MICU1: variants seen among roughly 807,000 people sequenced by gnomAD.
MICU1 encodes mitochondrial calcium uptake 1, also known as calcium uptake protein 1, mitochondrial.
In MICU1, 45 loss-of-function variants were observed where a neutral mutation model predicts 56.8. The observed-to-expected ratio is 0.79, with a 90% CI of 0.62 to 1.02. The LOEUF is 1.02. Among genes scored for constraint, MICU1 ranks in the 50% least tolerant of loss-of-function variants. The pLI, the probability that MICU1 is intolerant of heterozygous loss-of-function variation, is 0.00. For synonymous variants in MICU1, 186 were observed against 195.1 expected, an observed-to-expected ratio of 0.95 and a Z score of 0.39; for missense variants, 504 against 587.1, an observed-to-expected ratio of 0.86 and a Z score of 1.46.
chr10:72,569,237 A>ATATATATTTTTTT, intron 1 of MICU1, among the ~76,000 whole-genome samples: 54 of 34,368 alleles, frequency 1.6e-3, no homozygotes, highest in Non-Finnish European at 2.5e-3. Flanking sequence ...ATATATATAT[A>ATATATATTTTTTT]TTTTTTTTTT....
chr10:72,625,661 G>A (rs1842209870), intron 1 of MICU1, among the ~76,000 whole-genome samples: 1 of 152,190 alleles, frequency 6.6e-6, no homozygotes, highest in South Asian at 2.1e-4. Context: ...AATTCCAGGA[G>A]AGCCAGTCAA....
chr10:72,514,366 G>A (rs1411658284), intron 5 of MICU1, among the ~76,000 whole-genome samples: 1 of 151,718 alleles, frequency 6.6e-6, no homozygotes, highest in Non-Finnish European at 1.5e-5. Flanking sequence ...CTGTGATTGG[G>A]CTGTAATTTA....
At chr10:72,389,250 TC>T (rs1307562936) in intron 10 of MICU1, among the ~76,000 whole-genome samples, 1 of 152,196 alleles carries the variant, frequency 6.6e-6, no homozygotes, top group East Asian at 1.9e-4. Flanking sequence ...TCCCCAACAA[TC>T]CAGTTAGAGC....
intron 1 of MICU1, among the ~76,000 whole-genome samples, chr10:72,567,642 C>T (rs773906802): frequency 1.6e-4 from 25 of 152,216 alleles, no homozygotes; most frequent in Non-Finnish European, 2.8e-4. Flanking sequence ...TGTTGGGAAG[C>T]TGACCTTCGC....
intron 5 of MICU1, among the ~76,000 whole-genome samples, chr10:72,527,078 T>C (rs895121871): frequency 6.6e-6 from 1 of 152,230 alleles, no homozygotes; most frequent in African/African-American, 2.4e-5. Context: ...CCATATTTTC[T>C]TTCTATAAAA....
intron 8 of MICU1, among the ~76,000 whole-genome samples, chr10:72,457,373 G>A (rs1033366301): frequency 7.5e-6 from 1 of 133,504 alleles, no homozygotes; most frequent in African/African-American, 2.8e-5. Context: ...ATATGCCACC[G>A]TGCTTGGCCC....
chr10:72,431,039 C>G (rs1471718945), intron 8 of MICU1, among the ~76,000 whole-genome samples: 1 of 151,980 alleles, frequency 6.6e-6, no homozygotes, highest in East Asian at 1.9e-4. Flanking sequence ...AACTGTGCTT[C>G]TTTCATTTTT....
chr10:72,562,715 T>C, intron 3 of MICU1, 180 bp downstream of exon 3: 1 of 475,340 alleles, frequency 2.1e-6, no homozygotes. Flanking sequence ...TCCTTTTAAC[T>C]ACCTCCTTTA....
chr10:72,436,184 C>T (rs978947699), intron 8 of MICU1, among the ~76,000 whole-genome samples: 2 of 152,230 alleles, frequency 1.3e-5, no homozygotes, highest in Non-Finnish European at 2.9e-5. Flanking sequence ...TGGAACGACA[C>T]TTCCAGAGGA....
intron 6 of MICU1, among the ~76,000 whole-genome samples, chr10:72,492,730 T>A (rs1866699746): frequency 6.7e-6 from 1 of 148,342 alleles, no homozygotes; most frequent in South Asian, 2.1e-4. Flanking sequence ...GCCACTGCAC[T>A]CCAGCCTGGG....
At chr10:72,371,931 C>T (rs1862357364) in intron 11 of MICU1, among the ~76,000 whole-genome samples, 1 of 151,872 alleles carries the variant, frequency 6.6e-6, no homozygotes, top group South Asian at 2.1e-4. Context: ...TGGTGCCTGC[C>T]TGTAGGCCCA....
At chr10:72,583,371 C>T (rs1371892547) in intron 1 of MICU1, among the ~76,000 whole-genome samples, 1 of 151,524 alleles carries the variant, frequency 6.6e-6, no homozygotes, top group Non-Finnish European at 1.5e-5. Context: ...ACTTCCGCCT[C>T]GCAGGTTCAA....
chr10:72,437,093 G>C (rs1473916162), intron 8 of MICU1, among the ~76,000 whole-genome samples: 1 of 152,088 alleles, frequency 6.6e-6, no homozygotes, highest in African/African-American at 2.4e-5. Flanking sequence ...GACTCATAAT[G>C]GTCAGATTCA....
At chr10:72,605,938 C>G (rs1241931687) in intron 1 of MICU1, among the ~76,000 whole-genome samples, 3 of 151,816 alleles carry the variant, frequency 2.0e-5, no homozygotes, top group African/African-American at 7.3e-5. Flanking sequence ...CAAGACCAGC[C>G]TGGTCAACAT....
At chr10:72,625,391 T>A (rs992782682) in intron 1 of MICU1, among the ~76,000 whole-genome samples, 1 of 152,144 alleles carries the variant, frequency 6.6e-6, no homozygotes, top group African/African-American at 2.4e-5. Context: ...AACATTCACA[T>A]AGAGTCAATA....
At position 72,475,233 on chromosome 10, in the gene MICU1, C is replaced by T. The variant is rs768431780; in HGVS notation, c.800G>A (p.Gly267Asp). 1.2e-6 allele frequency: 2 copies of T among 1,610,348 alleles called. No homozygotes were observed. The highest frequency in any genetic ancestry group is 2.2e-5 in the South Asian group (2 of 90,208). Residue 267 changes from glycine (G) to aspartate (D), a missense_variant, in exon 8 of 12, where the codon GGC becomes GAC. Gly to Asp is a moderately conservative substitution (Grantham distance 94). Transcript: ENST00000361114. ...ACACAAGCCAGACTTGAGGGTGTTG[C>T]CAGTAGTTGGACGATCTCTGTGGCG... ...GMRHRDRPTT[G>D]NTLKSGLCSA...
rs960801032 is a variant in MICU1 at position 72,408,117 on chromosome 10, T to C, written c.1072-80A>G. The C allele has an allele frequency of 8.8e-6, 7 of 797,970 alleles. No individual in the cohort carries two copies. In the Admixed American group the frequency reaches 1.7e-4, roughly 20 times the overall value. The allele number at this position is 797,970 out of a possible 1,614,324, so 49.4% of individuals were successfully genotyped here. ...ATATGCATAGGCAGTGATTCACATC[T>C]GCAAATCAGAAATTCATGCTCATGT... On this transcript the variant is annotated intron_variant, in intron 9 of 11. Coordinates refer to ENST00000361114, the MANE Select transcript of MICU1 (RefSeq NM_001195518.2).
rs182059129 is a variant in MICU1 at position 72,490,990 on chromosome 10, A to T, written c.653-13734T>A. The stretch of plus-strand genomic sequence containing the variant: ...CTGTGTTTTTCACTGACGTTCCACC[A>T]CTGGAAAGCCTAAGGAGCCAAACAC... On this transcript the variant is annotated intron_variant, in intron 6 of 11. Transcript: ENST00000361114. 2.6e-5 allele frequency among the ~76,000 whole-genome samples: 4 copies of T among 152,294 alleles called. No homozygotes were observed. The East Asian group carries it at 7.7e-4, about 29-fold the overall frequency.
Position 72,368,291 on chromosome 10 carries a change from C to T in MICU1, c.1335G>A (p.Leu445=). 1 of 1,613,990 alleles carries T rather than the reference C, an allele frequency of 6.2e-7. No homozygotes were observed. Residue 445 remains leucine, a synonymous_variant, in exon 12 of 12, where the codon CTG becomes CTA. Transcript: ENST00000361114. ...SIMKQRLMRG[L]EKPKDMGFTR... The stretch of plus-strand genomic sequence containing the variant: ...TGAAACCCATGTCTTTGGGCTTTTC[C>T]AGGCCTCTCATCAGCCGTTGCTTCA...
Sources: allele counts gnomAD v4.1 joint callset (sites outside exome capture counted in the v4.1 genomes callset), GRCh38; gene constraint gnomAD v4.1.1; transcripts MANE v1.5; gene names NCBI Gene and HGNC (gene_info 2026-07-23, HGNC 2026-07-21).